SHROOM3: variants seen among roughly 807,000 people sequenced by gnomAD.
SHROOM3 encodes the protein shroom family member 3.
In SHROOM3, 47 loss-of-function variants were observed where a neutral mutation model predicts 138.6. That is an observed-to-expected ratio of 0.34 (90% confidence interval 0.27 to 0.43). The LOEUF (loss-of-function observed/expected upper bound fraction) is 0.43, where lower values mean the gene tolerates loss of function less well. SHROOM3 is among the 20% of genes least tolerant of loss of function. SHROOM3 has a pLI of 1.00. For synonymous variants in SHROOM3, 1,062 were observed against 1,063.3 expected, an observed-to-expected ratio of 1.00 and a Z score of 0.02; for missense variants, 2,491 against 2,596.5, an observed-to-expected ratio of 0.96 and a Z score of 0.88.
intron 2 of SHROOM3, among the ~76,000 whole-genome samples, chr4:76,616,479 A>G (rs146685393): frequency 3.7e-4 from 56 of 152,220 alleles, no homozygotes; most frequent in Non-Finnish European, 5.6e-4. Flanking sequence ...CACACACACA[A>G]TGAAATATCA....
chr4:76,476,273 T>G (rs1731483401), intron 1 of SHROOM3, among the ~76,000 whole-genome samples: 1 of 152,216 alleles, frequency 6.6e-6, no homozygotes, highest in African/African-American at 2.4e-5. Flanking sequence ...TAGAGAAGCT[T>G]GTGTGCTTTG....
At chr4:76,611,244 C>A (rs557729982) in intron 2 of SHROOM3, among the ~76,000 whole-genome samples, 1 of 150,826 alleles carries the variant, frequency 6.6e-6, no homozygotes, top group African/African-American at 2.5e-5. Context: ...TGTGCGCCCT[C>A]TCTCTGTGTC....
intron 1 of SHROOM3, among the ~76,000 whole-genome samples, chr4:76,477,220 C>A (rs1406861412): frequency 6.6e-6 from 1 of 151,916 alleles, no homozygotes; most frequent in Non-Finnish European, 1.5e-5. Flanking sequence ...ACCCCCCACT[C>A]GGCCTCCCAA....
intron 1 of SHROOM3, among the ~76,000 whole-genome samples, chr4:76,541,143 A>G (rs1290674043): frequency 6.6e-6 from 1 of 152,150 alleles, no homozygotes; most frequent in Admixed American, 6.5e-5. Flanking sequence ...GTTATAATAG[A>G]TGTTCTACAC....
chr4:76,666,273 A>G (rs1438563664), intron 2 of SHROOM3, among the ~76,000 whole-genome samples: 1 of 152,124 alleles, frequency 6.6e-6, no homozygotes, highest in African/African-American at 2.4e-5. Context: ...TTAATCTTGG[A>G]CTTGTTCATG....
intron 2 of SHROOM3, among the ~76,000 whole-genome samples, chr4:76,621,539 A>G (rs1425547585): frequency 1.3e-5 from 2 of 152,226 alleles, no homozygotes; most frequent in Non-Finnish European, 2.9e-5. Context: ...TGATTTTCTC[A>G]CCATCATTCT....
chr4:76,525,400 A>C (rs79532599), intron 1 of SHROOM3, among the ~76,000 whole-genome samples: 15,272 of 152,184 alleles, frequency 0.1, 1,002 homozygotes, highest in East Asian at 0.3. Flanking sequence ...ACCTGGTCCC[A>C]CCCTTGACAC....
Position 76,552,098 on chromosome 4 carries a change from T to A in SHROOM3, c.169-3511T>A, listed in dbSNP as rs1484369361. The stretch of plus-strand genomic sequence containing the variant: ...GGATGGACTCGATCTCCTGACCTTG[T>A]GATCCGCCCGCCTCGGCCCCCCTAA... On this transcript the variant is annotated intron_variant, in intron 1 of 10. Transcript: ENST00000296043. Among the ~76,000 whole-genome samples the A allele has an allele frequency of 1.0e-4, 15 of 150,202 alleles. No homozygotes were observed. The South Asian group carries it at 2.9e-3, about 29-fold the overall frequency.
chr4:76,662,408 C>A (rs957951857), intron 2 of SHROOM3, among the ~76,000 whole-genome samples: 2 of 152,156 alleles, frequency 1.3e-5, no homozygotes, highest in Admixed American at 6.5e-5. Flanking sequence ...GCATTGAATC[C>A]CCCTCGTGCT....
In SHROOM3 at chr4:76,754,904, C is replaced by T. The variant is rs760368665; in HGVS notation, c.4421C>T (p.Thr1474Ile). The change falls in exon 7 of 11, where the codon ACA (threonine) becomes ATA (isoleucine). Residue 1474 changes from threonine to isoleucine, a missense_variant. Transcript: ENST00000296043. ...TTATGCAGCACTTCTGACCCAGACACACCTCTTGGGGCCCCGAGCACTCCA... is the reference window on the plus strand; with the variant it reads ...TTATGCAGCACTTCTGACCCAGACATACCTCTTGGGGCCCCGAGCACTCCA... ...PSLCSTSDPD[T>I]PLGAPSTPGR... 6.2e-7 allele frequency: 1 copy of T among 1,614,232 alleles called. No individual in the cohort carries two copies. Among genetic ancestry groups the T allele is most frequent in the Middle Eastern group, 1.6e-4 (1 of 6,062 alleles).
In SHROOM3 at chr4:76,739,501, G is replaced by GC. The variant is rs1296298811; in HGVS notation, c.1334dup (p.Val446SerfsTer6). 2 of 1,613,972 alleles carry GC rather than the reference G, an allele frequency of 1.2e-6. No individual in the cohort carries two copies. Among genetic ancestry groups the GC allele is most frequent in the Non-Finnish European group, 8.5e-7 (1 of 1,179,982 alleles). On this transcript the variant is annotated frameshift_variant, in exon 5 of 11. Transcript: ENST00000296043. LOFTEE classifies it high-confidence loss of function. ...GTGCTGGAGAAGAGTCCAGAGAACA[G>GC]CCCCCCAGTGAAGCCCAAGCATAAC...
At position 76,754,778 on chromosome 4, in the gene SHROOM3, A is replaced by C. The variant is rs762024130; in HGVS notation, c.4295A>C (p.Lys1432Thr). The change falls in exon 7 of 11, where the codon AAG (lysine) becomes ACG (threonine). Residue 1432 changes from lysine to threonine, a missense_variant. Transcript: ENST00000296043. The part of the protein sequence containing the change: ...LPQWPPPSRA[K>T]WAHAAREDSL... ...CAGTGGCCACCTCCTTCTCGAGCAA[A>C]GTGGGCCCACGCAGCCAGAGAGGAC... is the stretch of plus-strand genomic sequence containing the variant. 1 of 1,614,154 alleles carries C rather than the reference A, an allele frequency of 6.2e-7. No homozygotes were observed. Among genetic ancestry groups the C allele is most frequent in the Non-Finnish European group, 8.5e-7 (1 of 1,180,012 alleles).
intron 2 of SHROOM3, among the ~76,000 whole-genome samples, chr4:76,670,106 G>A (rs1718834537): frequency 1.3e-5 from 2 of 152,140 alleles, no homozygotes; most frequent in Non-Finnish European, 2.9e-5. Context: ...AAATTAACAA[G>A]GCCTCTGTCT....
chr4:76,592,819 C>T (rs1407430804), intron 2 of SHROOM3, among the ~76,000 whole-genome samples: 1 of 152,282 alleles, frequency 6.6e-6, no homozygotes, highest in African/African-American at 2.4e-5. Flanking sequence ...CTTTTCTAGG[C>T]AGCAGGATTC....
intron 4 of SHROOM3, among the ~76,000 whole-genome samples, chr4:76,734,048 A>G (rs1720959118): frequency 6.6e-6 from 1 of 152,180 alleles, no homozygotes; most frequent in Admixed American, 6.5e-5. Context: ...CCCTGACAAG[A>G]GGCTGAAATA....
chr4:76,528,378 G>A (rs1579214564), intron 1 of SHROOM3, among the ~76,000 whole-genome samples: 1 of 101,844 alleles, frequency 9.8e-6, no homozygotes, highest in African/African-American at 4.0e-5. Context: ...GTCTTCCTAT[G>A]TCCTATGTTG....
chr4:76,676,415 A>G (rs1445336119), intron 2 of SHROOM3, among the ~76,000 whole-genome samples: 3 of 152,154 alleles, frequency 2.0e-5, no homozygotes. Context: ...TCTAGGAGGA[A>G]GATTTTTGTT....
At chr4:76,613,141 C>T (rs1015956307) in intron 2 of SHROOM3, among the ~76,000 whole-genome samples, 1 of 152,108 alleles carries the variant, frequency 6.6e-6, no homozygotes, top group Non-Finnish European at 1.5e-5. Flanking sequence ...GTAGGATAGG[C>T]AGGTGGTTCA....
intron 9 of SHROOM3, among the ~76,000 whole-genome samples, chr4:76,768,956 G>A (rs13141990): frequency 0.059 from 8,995 of 152,198 alleles, 293 homozygotes; most frequent in Non-Finnish European, 0.071. Context: ...CTGATGGTCC[G>A]ACTCCAAGAT....
Sources: gnomAD v4.1 joint callset for allele counts (sites outside exome capture counted in the v4.1 genomes callset) on GRCh38, gnomAD v4.1.1 for gene constraint, MANE v1.5 for transcripts, NCBI Gene and HGNC (gene_info 2026-07-23, HGNC 2026-07-21) for gene names.